Variants in CAPN1 observed in about 807,000 individuals in gnomAD.
CAPN1 encodes calpain 1, also known as calpain-1 catalytic subunit.
Under a neutral mutation model 105.2 loss-of-function variants are expected in CAPN1, and 77 were observed. That is an observed-to-expected ratio of 0.73 (90% confidence interval 0.61 to 0.88). The LOEUF (loss-of-function observed/expected upper bound fraction) is 0.88, where lower values mean the gene tolerates loss of function less well. Among genes scored for constraint, CAPN1 ranks in the 40% least tolerant of loss-of-function variants. The pLI is 0.00. For synonymous variants in CAPN1, 355 were observed against 388.8 expected (o/e 0.91, Z 1.02); for missense variants, 833 against 976.6 (o/e 0.85, Z 1.96).
intron 1 of CAPN1, chr11:65,182,426 T>G: frequency 2.4e-6 from 1 of 425,226 alleles, no homozygotes; most frequent in Non-Finnish European, 4.2e-6. Flanking sequence ...CCACCTGACC[T>G]GCTGGCTCAC....
At chr11:65,206,372 G>T in intron 12 of CAPN1, 91 bp from the exon 13 acceptor site, 1 of 1,000,774 alleles carries the variant, frequency 1.0e-6, no homozygotes, top group Non-Finnish European at 1.6e-6. Flanking sequence ...CCTTGGCCAG[G>T]ACAAGGAGCC....
In CAPN1 at chr11:65,211,413, C is replaced by T. The variant is rs1382748559; in HGVS notation, c.*127C>T. 18 of 799,374 alleles carry T rather than the reference C, an allele frequency of 2.3e-5. No individual in the cohort carries two copies. In the South Asian group the frequency reaches 2.3e-4, roughly 10 times the overall value. The allele number at this position is 799,374 out of a possible 1,614,324, so 49.5% of individuals were successfully genotyped here. A position where few individuals can be genotyped will look rare whatever the true frequency, so the allele number is the denominator to read the frequency against. ...CCTTGGAGCAGAGAGGCAGCCTCGT[C>T]CTCCTGTCCCCTCTCCTCCCAGCCA... On this transcript the variant is annotated 3_prime_UTR_variant, in exon 22 of 22. Coordinates refer to ENST00000279247, the MANE Select transcript of CAPN1 (RefSeq NM_005186.4).
intron 1 of CAPN1, 89 bp from the exon 2 acceptor site, chr11:65,182,612 C>A: frequency 7.3e-7 from 1 of 1,366,138 alleles, no homozygotes; most frequent in Non-Finnish European, 9.6e-7. Flanking sequence ...GATGGATAAG[C>A]AGGGGCAGGA....
intron 10 of CAPN1, among the ~76,000 whole-genome samples, chr11:65,201,807 C>T (rs1590861282): frequency 6.8e-6 from 1 of 146,136 alleles, no homozygotes; most frequent in South Asian, 2.2e-4. Context: ...CGTGAGCCAC[C>T]GCGCCCGGCT....
In CAPN1 at chr11:65,182,952, A is replaced by G; in HGVS notation, c.251A>G (p.Lys84Arg). 6.2e-7 allele frequency: 1 copy of G among 1,613,504 alleles called. No homozygotes were observed. Among genetic ancestry groups the G allele is most frequent in the South Asian group, 1.1e-5 (1 of 91,036 alleles). The stretch of plus-strand genomic sequence containing the variant: ...AATTCCTCCAAGACCTATGGCATCA[A>G]GTGGAAGCGTCCCACGGTGAGAGGG... ...GPNSSKTYGIKWKRPTELLSN... is the reference protein window; with the variant it reads ...GPNSSKTYGIRWKRPTELLSN... The change falls in exon 2 of 22, where the codon AAG becomes AGG. Residue 84 changes from lysine to arginine, a missense_variant. Physicochemically the swap from Lys to Arg is conservative, Grantham distance 26. Transcript: ENST00000279247.
upstream of CAPN1, chr11:65,181,536 C>G (rs1948529070): frequency 2.6e-6 from 1 of 388,730 alleles, no homozygotes; most frequent in Admixed American, 3.0e-5. This position sits in a 1 kb window ranked among gnomAD's most constrained non-coding sequence, Gnocchi z 4.6. Context: ...CACAATCGCC[C>G]CGGAATGCCC....
Position 65,210,246 on chromosome 11 carries a change from C to T in CAPN1, c.1943-90C>T. 6 of 1,154,778 alleles carry T rather than the reference C, an allele frequency of 5.2e-6. No homozygotes were observed. The highest frequency in any genetic ancestry group is 1.3e-5 in the South Asian group (1 of 77,978). The allele number at this position is 1,154,778 out of a possible 1,614,324, so 71.5% of individuals were successfully genotyped here. On this transcript the variant is annotated intron_variant, in intron 19 of 21. Coordinates refer to ENST00000279247, the MANE Select transcript of CAPN1 (RefSeq NM_005186.4). The surrounding 1 kb of genome is among the most constrained non-coding windows in gnomAD (Gnocchi z 4.3). ...CCACGGTTACTAGCACCCTGCCTAG[C>T]CCCAGCCCCCTCCTGGGGACCCAAC...
intron 10 of CAPN1, among the ~76,000 whole-genome samples, chr11:65,189,769 C>T (rs1236199534): frequency 2.6e-5 from 4 of 152,188 alleles, no homozygotes; most frequent in Non-Finnish European, 4.4e-5. Context: ...GCCATATTTT[C>T]CCTGTAAATT....
intron 1 of CAPN1, 153 bp from the exon 2 acceptor site, chr11:65,182,548 G>A: frequency 1.3e-6 from 1 of 774,772 alleles, no homozygotes; most frequent in East Asian, 2.8e-5. Flanking sequence ...GGAGGTGGCT[G>A]AGAACCCTAC....
In CAPN1 at chr11:65,204,797, A is replaced by G; in HGVS notation, c.1280A>G (p.His427Arg). The part of the protein sequence containing the change: ...CSFVLALMQK[H>R]RRRERRFGRD... ...TTCGTGCTCGCCCTTATGCAGAAGC[A>G]CCGTCGCCGCGAGCGCCGCTTCGGC... The change falls in exon 11 of 22, where the codon CAC becomes CGC. Residue 427 changes from histidine (H) to arginine (R), a missense_variant. Transcript: ENST00000279247. 1.2e-6 allele frequency: 2 copies of G among 1,612,708 alleles called. No individual in the cohort carries two copies. The highest frequency in any genetic ancestry group is 1.7e-6 in the Non-Finnish European group (2 of 1,179,596).
At chr11:65,204,607 C>T in intron 10 of CAPN1, 76 bp from the exon 11 acceptor site, 1 of 1,271,650 alleles carries the variant, frequency 7.9e-7, no homozygotes, top group African/African-American at 1.5e-5. Flanking sequence ...TGCACAGGGA[C>T]GTGCTGAGGA....
intron 1 of CAPN1, 37 bp from the exon 2 acceptor site, chr11:65,182,664 A>G: frequency 1.4e-6 from 2 of 1,476,488 alleles, no homozygotes; most frequent in South Asian, 2.8e-5. Context: ...TAGTCTTGGG[A>G]AGGCCTGGGT....
intron 12 of CAPN1, 30 bp from the exon 13 acceptor site, chr11:65,206,433 G>T (rs764803380): frequency 5.7e-6 from 9 of 1,582,266 alleles, no homozygotes; most frequent in Non-Finnish European, 8.7e-7. Context: ...GTGGGCAGCT[G>T]CAGCCCTGCT....
In CAPN1 at chr11:65,183,547, C is replaced by A. The variant is rs539922683; in HGVS notation, c.411C>A (p.His137Gln). ...NDTLLHRVVP[H>Q]GQSFQNGYAG... ...CCCTCCTGCACCGAGTGGTTCCGCACGGCCAGAGCTTCCAGAATGGCTATG... is the reference window on the plus strand; with the variant it reads ...CCCTCCTGCACCGAGTGGTTCCGCAAGGCCAGAGCTTCCAGAATGGCTATG... The change falls in exon 4 of 22, where the codon CAC becomes CAA. Residue 137 changes from histidine to glutamine, a missense_variant. By Grantham distance (24) the His-to-Gln change is conservative. Transcript: ENST00000279247. 1.6e-5 allele frequency: 26 copies of A among 1,613,758 alleles called. No homozygotes were observed. The highest frequency in any genetic ancestry group is 8.3e-5 in the Admixed American group (5 of 59,996).
chr11:65,186,629 T>C (rs1365049577), intron 6 of CAPN1, among the ~76,000 whole-genome samples: 1 of 152,062 alleles, frequency 6.6e-6, no homozygotes, highest in Non-Finnish European at 1.5e-5. Flanking sequence ...ATCCATGCCA[T>C]CCTCTGTCCA....
chr11:65,208,016 G>A lies in CAPN1; in HGVS notation c.1606-39G>A, dbSNP rs371282426. Reference sequence around the variant, plus strand: ...CAGCTGCCTCCACACGGGCAGGGCCGGGGCCTCTCTTACCTGCTTTCTCCC... The same window carrying A: ...CAGCTGCCTCCACACGGGCAGGGCCAGGGCCTCTCTTACCTGCTTTCTCCC... On this transcript the variant is annotated intron_variant, in intron 14 of 21. Coordinates refer to ENST00000279247, the MANE Select transcript of CAPN1 (RefSeq NM_005186.4). This position sits in a 1 kb window ranked among gnomAD's most constrained non-coding sequence, Gnocchi z 4.1. 9.2e-6 allele frequency: 14 copies of A among 1,527,794 alleles called. No homozygotes were observed. The highest frequency in any genetic ancestry group is 4.1e-5 in the African/African-American group (3 of 72,804). 94.6% of individuals were successfully genotyped at this position (1,527,794 alleles called of 1,614,324 possible).
rs181586870 is a variant in CAPN1 at position 65,208,532 on chromosome 11, C to A, written c.1729+270C>A. 9.7e-5 allele frequency: 53 copies of A among 544,230 alleles called. No individual in the cohort carries two copies. The highest frequency in any genetic ancestry group is 3.4e-4 in the Admixed American group (11 of 32,220). The allele number at this position is 544,230 out of a possible 1,614,324, so 33.7% of individuals were successfully genotyped here. ...CAGTGGCTCACACCTGTAGTCCCAA[C>A]ACTCTGGGAGGCCGAGGCAGGAGTC... is the stretch of plus-strand genomic sequence containing the variant. On this transcript the variant is annotated intron_variant, in intron 16 of 21. Transcript: ENST00000279247. The surrounding 1 kb of genome is among the most constrained non-coding windows in gnomAD (Gnocchi z 4.1).
In CAPN1 at chr11:65,186,328, G is replaced by A; in HGVS notation, c.749G>A (p.Cys250Tyr). ...KALERGSLLG[C>Y]SIDISSVLDM... ...CTGGAGCGGGGCTCCCTGCTGGGCT[G>A]CTCCATAGACGTGAGTGTGCCCGGC... The change falls in exon 6 of 22, where the codon TGC (cysteine) becomes TAC (tyrosine). Residue 250 changes from cysteine (C) to tyrosine (Y), a missense_variant. By Grantham distance (194) the Cys-to-Tyr change is radical. Coordinates refer to ENST00000279247, the MANE Select transcript of CAPN1 (RefSeq NM_005186.4). The A allele has an allele frequency of 6.2e-7, 1 of 1,611,612 alleles. No homozygotes were observed. The highest frequency in any genetic ancestry group is 1.7e-5 in the Admixed American group (1 of 59,720).
Position 65,208,461 on chromosome 11 carries a change from C to T in CAPN1, c.1729+199C>T, listed in dbSNP as rs17879176. 662 of 634,758 alleles carry T rather than the reference C, an allele frequency of 1.0e-3. No individual in the cohort carries two copies. Among genetic ancestry groups the T allele is most frequent in the Non-Finnish European group, 1.5e-3 (533 of 353,474 alleles). The allele number at this position is 634,758 out of a possible 1,614,324, so 39.3% of individuals were successfully genotyped here. On this transcript the variant is annotated intron_variant, in intron 16 of 21. Transcript: ENST00000279247. This position sits in a 1 kb window ranked among gnomAD's most constrained non-coding sequence, Gnocchi z 4.1. ...CTGCCATCCTGATAATCCCTGTGCT[C>T]GGGTGCTGTGCCTTTGTGGGATTAG...
Sources: gnomAD v4.1 joint callset for allele counts (sites outside exome capture counted in the v4.1 genomes callset) on GRCh38, gnomAD v4.1.1 for gene constraint, Gnocchi (gnomAD v3.1) non-coding constraint, MANE v1.5 for transcripts, NCBI Gene and HGNC (gene_info 2026-07-23, HGNC 2026-07-21) for gene names.